CCDC91: variants seen among roughly 807,000 people sequenced by gnomAD.
CCDC91 encodes coiled-coil domain containing 91.
A neutral mutation model predicts 63.2 loss-of-function variants in CCDC91; 48 were observed. The observed-to-expected ratio is 0.76, with a 90% CI of 0.60 to 0.97. CCDC91 has a LOEUF of 0.97. CCDC91 is among the 50% of genes least tolerant of loss of function. The pLI, the probability that CCDC91 is intolerant of heterozygous loss-of-function variation, is 0.00. For synonymous variants in CCDC91, 167 were observed against 165.8 expected (o/e 1.01, Z -0.06); for missense variants, 500 against 494.6 (o/e 1.01, Z -0.10).
chr12:28,278,534 T>A (rs191890458), intron 3 of CCDC91, among the ~76,000 whole-genome samples: 1 of 152,222 alleles, frequency 6.6e-6, no homozygotes, highest in Admixed American at 6.6e-5. Context: ...CTTAATAAAA[T>A]CACTGTTCAT....
chr12:28,228,004 A>C (rs1009307752), intron 1 of CCDC91, among the ~76,000 whole-genome samples: 15 of 151,958 alleles, frequency 9.9e-5, no homozygotes, highest in African/African-American at 3.6e-4. Context: ...AAAGTAGTAC[A>C]CTCTAAAAGA....
chr12:28,343,473 C>G (rs1468575008), intron 6 of CCDC91, among the ~76,000 whole-genome samples: 1 of 152,070 alleles, frequency 6.6e-6, no homozygotes, highest in East Asian at 1.9e-4. Context: ...CAGGTCACCT[C>G]ACCTTTTATG....
intron 11 of CCDC91, among the ~76,000 whole-genome samples, chr12:28,463,521 G>A (rs1474877689): frequency 6.6e-6 from 1 of 152,174 alleles, no homozygotes; most frequent in African/African-American, 2.4e-5. Flanking sequence ...GAAGTTGCTG[G>A]AATACTTGAC....
intron 3 of CCDC91, among the ~76,000 whole-genome samples, chr12:28,288,181 G>T (rs533580348): frequency 6.6e-6 from 1 of 152,092 alleles, no homozygotes; most frequent in Non-Finnish European, 1.5e-5. Flanking sequence ...TTTTTATTTG[G>T]ATGTACTTTA....
chr12:28,491,644 A>G (rs777047617), intron 12 of CCDC91, among the ~76,000 whole-genome samples: 30 of 151,844 alleles, frequency 2.0e-4, no homozygotes, highest in Non-Finnish European at 3.7e-4. Flanking sequence ...GTCTGCGAGA[A>G]GCCAAAGGAT....
chr12:28,225,990 C>A (rs572523012), intron 1 of CCDC91: 1 of 152,316 alleles, frequency 6.6e-6, no homozygotes, highest in East Asian at 1.9e-4. Context: ...ATATAGGAGG[C>A]CAGAGCCAAG....
chr12:28,404,748 C>T (rs2139580725), intron 8 of CCDC91, among the ~76,000 whole-genome samples: 1 of 152,092 alleles, frequency 6.6e-6, no homozygotes, highest in Non-Finnish European at 1.5e-5. Flanking sequence ...ATATAATGCC[C>T]TTCTTTATCC....
At chr12:28,307,875 T>G in intron 6 of CCDC91, 126 bp downstream of exon 6, 1 of 610,868 alleles carries the variant, frequency 1.6e-6, no homozygotes, top group African/African-American at 2.0e-5. Flanking sequence ...TATATAAAAC[T>G]GACCAACATG....
chr12:28,237,482 A>G (rs1224215172), intron 1 of CCDC91, among the ~76,000 whole-genome samples: 2 of 152,208 alleles, frequency 1.3e-5, no homozygotes, highest in African/African-American at 4.8e-5. Flanking sequence ...ATCTACAGAC[A>G]TACAGCAGAG....
At chr12:28,277,586 A>T (rs1234271851) in intron 3 of CCDC91, among the ~76,000 whole-genome samples, 4 of 152,000 alleles carry the variant, frequency 2.6e-5, no homozygotes, top group Admixed American at 2.6e-4. Context: ...AAATATTCTG[A>T]AATCTGAATA....
At chr12:28,200,894 G>A (rs978655225) in intron 1 of CCDC91, among the ~76,000 whole-genome samples, 7 of 151,290 alleles carry the variant, frequency 4.6e-5, no homozygotes, top group Non-Finnish European at 8.9e-5. Flanking sequence ...GCGGCTGGCC[G>A]GGCGGGGGGC....
At chr12:28,205,398 A>G (rs1005413789) in intron 1 of CCDC91, among the ~76,000 whole-genome samples, 1 of 152,178 alleles carries the variant, frequency 6.6e-6, no homozygotes, top group Admixed American at 6.5e-5. Flanking sequence ...GGATGAGATG[A>G]AAAATGTGCT....
intron 12 of CCDC91, among the ~76,000 whole-genome samples, chr12:28,503,123 A>G (rs910510047): frequency 4.6e-5 from 7 of 152,218 alleles, no homozygotes; most frequent in African/African-American, 1.7e-4. Context: ...CAGCAAAAGA[A>G]ACTACCATCA....
At chr12:28,308,240 C>T (rs1439191344) in intron 6 of CCDC91, among the ~76,000 whole-genome samples, 1 of 151,968 alleles carries the variant, frequency 6.6e-6, no homozygotes, top group East Asian at 1.9e-4. Context: ...TACTCAATGT[C>T]TGTTTCTTTA....
intron 8 of CCDC91, among the ~76,000 whole-genome samples, chr12:28,406,249 A>T: frequency 6.6e-6 from 1 of 151,684 alleles, no homozygotes; most frequent in East Asian, 1.9e-4. Flanking sequence ...CTCTACTTTT[A>T]ACATTTCTTG....
At chr12:28,407,154 A>G (rs1191024966) in intron 8 of CCDC91, among the ~76,000 whole-genome samples, 2 of 152,080 alleles carry the variant, frequency 1.3e-5, no homozygotes, top group African/African-American at 4.8e-5. Context: ...GCTTTTCAAC[A>G]TGATTGGAAG....
intron 6 of CCDC91, among the ~76,000 whole-genome samples, chr12:28,349,095 GTTCT>G: frequency 6.6e-6 from 1 of 151,916 alleles, no homozygotes; most frequent in East Asian, 1.9e-4. Context: ...ATTTTTTGTT[GTTCT>G]TTGAGTCTTC....
At chr12:28,522,125 T>G (rs538847345) in intron 12 of CCDC91, among the ~76,000 whole-genome samples, 8 of 152,302 alleles carry the variant, frequency 5.3e-5, no homozygotes, top group Non-Finnish European at 8.8e-5. Flanking sequence ...TTCTATTGAT[T>G]GGAATAGTTT....
chr12:28,444,763 T>C (rs1024746961), intron 8 of CCDC91, among the ~76,000 whole-genome samples: 2 of 152,160 alleles, frequency 1.3e-5, no homozygotes, highest in African/African-American at 4.8e-5. Context: ...AAATAATCTG[T>C]ACAGCAAACC....
Sources: allele counts gnomAD v4.1 joint callset (sites outside exome capture counted in the v4.1 genomes callset), GRCh38; gene constraint gnomAD v4.1.1; transcripts MANE v1.5; gene names NCBI Gene and HGNC (gene_info 2026-07-23, HGNC 2026-07-21).